The following RBMXL1 variants were observed in gnomAD, a reference collection of about 807,000 sequenced individuals.
The protein encoded by RBMXL1 is RBMX like 1, also known as RNA binding motif protein, X-linked-like-1.
In RBMXL1, 18 loss-of-function variants were observed where a neutral mutation model predicts 29.0. The ratio of observed to expected loss-of-function variants is 0.62; its 90% CI spans 0.43 to 0.92. The LOEUF (loss-of-function observed/expected upper bound fraction) is 0.92, where lower values mean the gene tolerates loss of function less well. Ranked by LOEUF, RBMXL1 falls within the 40% of genes least tolerant of loss-of-function variation. The probability of loss-of-function intolerance (pLI) is 0.00; values close to 1 mark genes in which losing one functional copy is unlikely to be tolerated. For synonymous variants in RBMXL1, 141 were observed against 170.4 expected (o/e 0.83, Z 1.34); for missense variants, 403 against 495.8 (o/e 0.81, Z 1.78).
intron 2 of RBMXL1, among the ~76,000 whole-genome samples, chr1:88,985,065 G>A (rs974737914): frequency 2.0e-5 from 3 of 152,176 alleles, no homozygotes; most frequent in Non-Finnish European, 4.4e-5. Flanking sequence ...AGAGAAACAA[G>A]CTTATTGGAA....
At chr1:88,985,233 G>A (rs1269014188) in intron 2 of RBMXL1, among the ~76,000 whole-genome samples, 1 of 152,202 alleles carries the variant, frequency 6.6e-6, no homozygotes, top group East Asian at 1.9e-4. Context: ...TAAGTGAAGG[G>A]AGTGCGTGAG....
In RBMXL1 at chr1:88,981,916, T is replaced by A. The variant is rs767601358; in HGVS notation, c.*738A>T. The A allele has an allele frequency of 2.1e-6, 2 of 957,820 alleles. No homozygotes were observed. The highest frequency in any genetic ancestry group is 2.5e-6 in the Non-Finnish European group (2 of 804,484). The allele number at this position is 957,820 out of a possible 1,614,324, so 59.3% of individuals were successfully genotyped here. A position where few individuals can be genotyped will look rare whatever the true frequency, so the allele number is the denominator to read the frequency against. On this transcript the variant is annotated 3_prime_UTR_variant, in exon 3 of 3. Coordinates refer to ENST00000652648, the MANE Select transcript of RBMXL1 (RefSeq NM_001162536.3). ...TTCCTTTAAAAGTGAGACATTAGAG[T>A]TGCAAAAATTTGAAAGAGTAAGAGC...
chr1:88,979,907 G>C lies in RBMXL1; in HGVS notation c.*2747C>G, dbSNP rs1676994186. On this transcript the variant is annotated 3_prime_UTR_variant, in exon 3 of 3. Coordinates refer to ENST00000652648, the MANE Select transcript of RBMXL1 (RefSeq NM_001162536.3). The stretch of plus-strand genomic sequence containing the variant: ...TTTTATTCACAGTAGCCCCAAACTG[G>C]AAACAATCCCAAGGTCCATCAACAG... 1 of 152,102 alleles carries C rather than the reference G, an allele frequency of 6.6e-6. No homozygotes were observed. The highest frequency in any genetic ancestry group is 2.1e-4 in the South Asian group (1 of 4,828). The allele number at this position is 152,102 out of a possible 1,614,324, so 9.4% of individuals were successfully genotyped here.
At chr1:88,987,027 G>A (rs1394138937) in intron 2 of RBMXL1, among the ~76,000 whole-genome samples, 1 of 152,194 alleles carries the variant, frequency 6.6e-6, no homozygotes, top group East Asian at 1.9e-4. Flanking sequence ...CCACTGCTAG[G>A]TATGGAGAGG....
chr1:88,989,234 C>T (rs1677641540), intron 1 of RBMXL1, among the ~76,000 whole-genome samples: 1 of 152,142 alleles, frequency 6.6e-6, no homozygotes, highest in South Asian at 2.1e-4. Flanking sequence ...CTAAATAGAG[C>T]TTCTATATAA....
intron 2 of RBMXL1, among the ~76,000 whole-genome samples, chr1:88,985,591 C>A (rs528454260): frequency 6.6e-6 from 1 of 152,160 alleles, no homozygotes; most frequent in Non-Finnish European, 1.5e-5. Context: ...CATCAAAACT[C>A]CTAGTGTGTG....
rs1677280589 is a variant in RBMXL1 at position 88,983,946 on chromosome 1, G to A, written c.-120C>T. On this transcript the variant is annotated 5_prime_UTR_variant, in exon 3 of 3. Transcript: ENST00000652648. ...GGCTGTCAGTTAGGAGGACTGAACC[G>A]CGAAGCCGCTAGCACTACTGCGCAA... 1 of 1,096,928 alleles carries A rather than the reference G, an allele frequency of 9.1e-7. No individual in the cohort carries two copies. 67.9% of individuals were successfully genotyped at this position (1,096,928 alleles called of 1,614,324 possible).
chr1:88,982,729 T>G lies in RBMXL1; in HGVS notation c.1098A>C (p.Ser366=), dbSNP rs1411283952. The G allele has an allele frequency of 6.2e-7, 1 of 1,613,956 alleles. No homozygotes were observed. Among genetic ancestry groups the G allele is most frequent in the Non-Finnish European group, 8.5e-7 (1 of 1,179,856 alleles). Residue 366 remains serine (S), a synonymous_variant, in exon 3 of 3, where the codon TCA becomes TCC. Coordinates refer to ENST00000652648, the MANE Select transcript of RBMXL1 (RefSeq NM_001162536.3). ...YPSSRDSYSS[S]SRGAPRGAGP... ...CAGCACCTCTTGGTGCTCCGCGGCT[T>G]GAACTGCTGTAGGAATCACGTGAAG...
At chr1:88,988,587 A>T (rs1557710947) in intron 1 of RBMXL1, among the ~76,000 whole-genome samples, 1 of 152,228 alleles carries the variant, frequency 6.6e-6, no homozygotes, top group Non-Finnish European at 1.5e-5. Flanking sequence ...ATTTTAAACT[A>T]GAGAGCTTTA....
chr1:88,992,426 C>T (rs7516489), intron 1 of RBMXL1, among the ~76,000 whole-genome samples, 159 bp downstream of exon 1: 15,899 of 152,308 alleles, frequency 0.1, 2,760 homozygotes, highest in African/African-American at 0.36. Context: ...CCTCAAACTG[C>T]TAATCTAGGG....
rs1472070385 is a variant in RBMXL1, at chr1:88,983,319, G to A, written c.508C>T (p.Leu170=). 6 of 1,614,070 alleles carry A rather than the reference G, an allele frequency of 3.7e-6. No homozygotes were observed. The Admixed American group carries it at 8.3e-5, about 22-fold the overall frequency. The change falls in exon 3 of 3, where the codon CTA becomes TTA. Residue 170 remains leucine, a synonymous_variant. Transcript: ENST00000652648. The stretch of plus-strand genomic sequence containing the variant: ...CCCATTCCACTGCTGCTGCGAACTA[G>A]TCCTGAAGGTGCAGATCTCTTAGGA... ...PSPKRSAPSG[L]VRSSSGMGGR... is the part of the protein sequence containing the mutation.
At chr1:88,984,821 G>T (rs1677348294) in intron 2 of RBMXL1, among the ~76,000 whole-genome samples, 1 of 152,148 alleles carries the variant, frequency 6.6e-6, no homozygotes, top group Admixed American at 6.5e-5. Flanking sequence ...CTAGCATTTT[G>T]ATTATCTTCC....
chr1:88,988,204 C>A, intron 2 of RBMXL1, 48 bp downstream of exon 2: 1 of 1,168,750 alleles, frequency 8.6e-7, no homozygotes, highest in Non-Finnish European at 1.2e-6. Flanking sequence ...ATTTTTTGGA[C>A]AGTGCAGAAT....
At chr1:88,991,308 C>T (rs891138634) in intron 1 of RBMXL1, among the ~76,000 whole-genome samples, 9 of 152,224 alleles carry the variant, frequency 5.9e-5, no homozygotes, top group Admixed American at 1.3e-4. Flanking sequence ...TTATACTTCA[C>T]ACATGGGGAG....
chr1:88,990,275 C>CAT (rs1677706518), intron 1 of RBMXL1, among the ~76,000 whole-genome samples: 1 of 150,914 alleles, frequency 6.6e-6, no homozygotes, highest in Non-Finnish European at 1.5e-5. Context: ...GGTTAAAAAA[C>CAT]ATAAAAAACA....
rs1197181953 is a variant in RBMXL1, at chr1:88,982,583, A to C, written c.*71T>G. On this transcript the variant is annotated 3_prime_UTR_variant, in exon 3 of 3. Coordinates refer to ENST00000652648, the MANE Select transcript of RBMXL1 (RefSeq NM_001162536.3). ...TCCTTTTAGTAGTCCTTGGGTAGTTATGATAGAATAGTTTCCACTCTTTTT... is the reference window on the plus strand; with the variant it reads ...TCCTTTTAGTAGTCCTTGGGTAGTTCTGATAGAATAGTTTCCACTCTTTTT... The C allele has an allele frequency of 2.0e-6, 3 of 1,517,998 alleles. No individual in the cohort carries two copies. The highest frequency in any genetic ancestry group is 2.6e-6 in the Non-Finnish European group (3 of 1,134,626). The allele number at this position is 1,517,998 out of a possible 1,614,324, so 94.0% of individuals were successfully genotyped here. A position where few individuals can be genotyped will look rare whatever the true frequency, so the allele number is the denominator to read the frequency against.
At position 88,982,778 on chromosome 1, in the gene RBMXL1, G is replaced by A. The variant is rs1557705433; in HGVS notation, c.1049C>T (p.Pro350Leu). The A allele has an allele frequency of 6.2e-7, 1 of 1,613,964 alleles. No homozygotes were observed. The highest frequency in any genetic ancestry group is 2.2e-5 in the East Asian group (1 of 44,878). ...AGAAGGGTACCCCCTTTCTACAGAA[G>A]GGGGAAGCCCTCTTTCTTGTCTGCC... ...RVGRQERGLP[P>L]SVERGYPSSR... The change falls in exon 3 of 3, where the codon CCT becomes CTT. Residue 350 changes from proline to leucine, a missense_variant. By Grantham distance (98) the Pro-to-Leu change is moderately conservative. Coordinates refer to ENST00000652648, the MANE Select transcript of RBMXL1 (RefSeq NM_001162536.3).
intron 1 of RBMXL1, among the ~76,000 whole-genome samples, chr1:88,992,127 C>A (rs1284127180): frequency 6.6e-6 from 1 of 151,996 alleles, no homozygotes; most frequent in Non-Finnish European, 1.5e-5. Flanking sequence ...TACAGGCGCC[C>A]GCCACCACGC....
At position 88,981,652 on chromosome 1, in the gene RBMXL1, C is replaced by T; in HGVS notation, c.*1002G>A. 1.2e-5 allele frequency: 2 copies of T among 171,232 alleles called. No homozygotes were observed. The highest frequency in any genetic ancestry group is 1.4e-5 in the Non-Finnish European group (1 of 72,654). The allele number at this position is 171,232 out of a possible 1,614,324, so 10.6% of individuals were successfully genotyped here. On this transcript the variant is annotated 3_prime_UTR_variant, in exon 3 of 3. Transcript: ENST00000652648. ...TGACTTACCAACAATCAGCCGCCTTCTGCTTCAACAACTCTTAGCATTTGA... is the reference window on the plus strand; with the variant it reads ...TGACTTACCAACAATCAGCCGCCTTTTGCTTCAACAACTCTTAGCATTTGA...
Sources: allele counts gnomAD v4.1 joint callset (sites outside exome capture counted in the v4.1 genomes callset), GRCh38; gene constraint gnomAD v4.1.1; transcripts MANE v1.5; gene names NCBI Gene and HGNC (gene_info 2026-07-23, HGNC 2026-07-21).